SPIN1: variants seen among roughly 807,000 people sequenced by gnomAD.
The protein encoded by SPIN1 is spindlin 1, also known as spindlin-1.
In SPIN1, 3 loss-of-function variants were observed where a neutral mutation model predicts 26.0. The ratio of observed to expected loss-of-function variants is 0.12; its 90% confidence interval spans 0.05 to 0.30. The LOEUF (loss-of-function observed/expected upper bound fraction) is 0.30. SPIN1 is among the 10% of genes least tolerant of loss of function. SPIN1 has a pLI of 1.00. For synonymous variants in SPIN1, 101 were observed against 116.5 expected (o/e 0.87, Z 0.86); for missense variants, 126 against 333.4 (o/e 0.38, Z 4.84).
intron 3 of SPIN1, among the ~76,000 whole-genome samples, chr9:88,452,791 G>C (rs1587808397): frequency 2.6e-5 from 4 of 152,184 alleles, no homozygotes; most frequent in Admixed American, 2.6e-4. Flanking sequence ...CTCTCTTTCT[G>C]GTTTGCATCT....
intron 1 of SPIN1, among the ~76,000 whole-genome samples, chr9:88,419,144 TTAAAATTA>T (rs1206279241): frequency 6.6e-6 from 1 of 152,208 alleles, no homozygotes; most frequent in African/African-American, 2.4e-5. Context: ...CCTTCTACTT[TTAAAATTA>T]ACTTCCTCTT....
Position 88,441,140 on chromosome 9 carries a change from T to G in SPIN1, c.53-7801T>G, listed in dbSNP as rs1750196373. Among the ~76,000 whole-genome samples, 5 of 151,996 alleles carry G rather than the reference T, an allele frequency of 3.3e-5. No individual in the cohort carries two copies. In the South Asian group the frequency reaches 1.0e-3, roughly 31 times the overall value. ...AAACATGTACATTATTGTCATTTTT[T>G]TCTAAATGATGCATTATAACAATGA... On this transcript the variant is annotated intron_variant, in intron 2 of 5. Coordinates refer to ENST00000375859, the MANE Select transcript of SPIN1 (RefSeq NM_006717.3).
rs957766354 is a variant in SPIN1, at chr9:88,478,350, A to G, written c.*3073A>G. 1.3e-5 allele frequency: 2 copies of G among 152,652 alleles called. No homozygotes were observed. The highest frequency in any genetic ancestry group is 2.4e-5 in the African/African-American group (1 of 41,472). The allele number at this position is 152,652 out of a possible 1,614,324, so 9.5% of individuals were successfully genotyped here. On this transcript the variant is annotated 3_prime_UTR_variant, in exon 6 of 6. Coordinates refer to ENST00000375859, the MANE Select transcript of SPIN1 (RefSeq NM_006717.3). ...ACAAAATGAAAGTTCTCCAAAGACA[A>G]AACAGAACAATTATTATAACAAAAT...
Position 88,462,545 on chromosome 9 carries a change from C to T in SPIN1, c.151C>T (p.Arg51Trp), listed in dbSNP as rs1337105433. Residue 51 changes from arginine to tryptophan, a missense_variant, in exon 4 of 6, where the codon CGG (arginine) becomes TGG (tryptophan). By Grantham distance (101) the Arg-to-Trp change is moderately radical. Coordinates refer to ENST00000375859, the MANE Select transcript of SPIN1 (RefSeq NM_006717.3). ...GPSKPVSQPR[R>W]NIVGCRIQHG... The stretch of plus-strand genomic sequence containing the variant: ...GAGCAAACCTGTTTCCCAGCCCCGG[C>T]GGAACATCGTAGGCTGCAGGATTCA... The T allele has an allele frequency of 6.2e-7, 1 of 1,613,918 alleles. No individual in the cohort carries two copies. Among genetic ancestry groups the T allele is most frequent in the African/African-American group, 1.3e-5 (1 of 74,902 alleles).
chr9:88,450,192 G>A (rs1818690929), intron 3 of SPIN1, among the ~76,000 whole-genome samples: 1 of 152,126 alleles, frequency 6.6e-6, no homozygotes, highest in Non-Finnish European at 1.5e-5. Context: ...TGTCATTACT[G>A]TAAATGGTAA....
At chr9:88,404,848 A>G (rs1274726519) in intron 1 of SPIN1, among the ~76,000 whole-genome samples, 1 of 150,722 alleles carries the variant, frequency 6.6e-6, no homozygotes, top group Non-Finnish European at 1.5e-5. Context: ...CCCAGGAGGC[A>G]GAGGTTGCAG....
intron 5 of SPIN1, among the ~76,000 whole-genome samples, chr9:88,470,384 A>G (rs1165583331): frequency 6.6e-6 from 1 of 152,050 alleles, no homozygotes; most frequent in Non-Finnish European, 1.5e-5. Flanking sequence ...CGTTTGGGGG[A>G]ACTGCCAGGC....
chr9:88,467,776 G>A (rs577179221), intron 4 of SPIN1, among the ~76,000 whole-genome samples: 1 of 150,640 alleles, frequency 6.6e-6, no homozygotes, highest in South Asian at 2.1e-4. Context: ...GTAGGAGCAA[G>A]AGAGTAAAAA....
At chr9:88,388,787 C>T (rs1334040043) in intron 1 of SPIN1, among the ~76,000 whole-genome samples, 1 of 150,210 alleles carries the variant, frequency 6.7e-6, no homozygotes, top group Non-Finnish European at 1.5e-5. Flanking sequence ...TCCTCCGTGC[C>T]CCCATCCCCG....
At chr9:88,464,370 G>A (rs543403853) in intron 4 of SPIN1, among the ~76,000 whole-genome samples, 1 of 152,256 alleles carries the variant, frequency 6.6e-6, no homozygotes, top group South Asian at 2.1e-4. Flanking sequence ...TTTTACGTCG[G>A]AAGCAATTGC....
intron 3 of SPIN1, among the ~76,000 whole-genome samples, chr9:88,455,157 T>C (rs1001093966): frequency 6.6e-6 from 1 of 152,236 alleles, no homozygotes; most frequent in Non-Finnish European, 1.5e-5. Context: ...ATTGCATTAA[T>C]GTAGCAGTAA....
Position 88,388,517 on chromosome 9 carries a change from C to G in SPIN1, c.-180C>G, listed in dbSNP as rs1826838027. 1 of 148,066 alleles carries G rather than the reference C, an allele frequency of 6.8e-6. No individual in the cohort carries two copies. The highest frequency in any genetic ancestry group is 2.0e-4 in the East Asian group (1 of 5,124). 9.2% of individuals were successfully genotyped at this position (148,066 alleles called of 1,614,324 possible). The stretch of plus-strand genomic sequence containing the variant: ...ACGGCGGAACCCGTGGGCCTGTGGA[C>G]TGCAGCCTCGGCGGTCAGCAGGTGA... On this transcript the variant is annotated 5_prime_UTR_variant, in exon 1 of 6. Coordinates refer to ENST00000375859, the MANE Select transcript of SPIN1 (RefSeq NM_006717.3).
intron 2 of SPIN1, among the ~76,000 whole-genome samples, chr9:88,441,462 A>C (rs1001607441): frequency 1.6e-5 from 2 of 126,918 alleles, no homozygotes; most frequent in African/African-American, 7.7e-5. Flanking sequence ...TGCTCAATTA[A>C]GAAAAAAGGC....
chr9:88,439,643 C>G (rs1828078608), intron 2 of SPIN1, among the ~76,000 whole-genome samples: 1 of 152,142 alleles, frequency 6.6e-6, no homozygotes, highest in South Asian at 2.1e-4. Flanking sequence ...TTTTTTTCCT[C>G]ACATATTTTG....
chr9:88,426,654 T>A, intron 2 of SPIN1, 63 bp downstream of exon 2: 1 of 1,455,098 alleles, frequency 6.9e-7, no homozygotes, highest in South Asian at 1.3e-5. Flanking sequence ...TTCAAACAAG[T>A]GTAAAATTGG....
intron 1 of SPIN1, among the ~76,000 whole-genome samples, chr9:88,398,821 G>C (rs972378615): frequency 3.3e-5 from 5 of 151,886 alleles, no homozygotes; most frequent in Admixed American, 3.3e-4. Flanking sequence ...TCATCCGCCT[G>C]CCTTGGCCTC....
At chr9:88,474,970 A>T (rs1281840120) in intron 5 of SPIN1, 108 bp from the exon 6 acceptor site, 24 of 1,139,254 alleles carry the variant, frequency 2.1e-5, no homozygotes, top group Non-Finnish European at 2.6e-5. Context: ...GGCTATTAAA[A>T]TTTTTTTTAA....
chr9:88,418,949 C>G (rs1348530840), intron 1 of SPIN1: 2 of 152,166 alleles, frequency 1.3e-5, no homozygotes, highest in East Asian at 1.9e-4. Context: ...AGTCATTTTT[C>G]TGGTAAGTAG....
intron 1 of SPIN1, among the ~76,000 whole-genome samples, chr9:88,390,478 G>C (rs954064207): frequency 6.6e-6 from 1 of 152,118 alleles, no homozygotes; most frequent in African/African-American, 2.4e-5. Flanking sequence ...TAGTTACAAC[G>C]TTACTGGTTG....
Sources: allele counts gnomAD v4.1 joint callset (sites outside exome capture counted in the v4.1 genomes callset), GRCh38; gene constraint gnomAD v4.1.1; transcripts MANE v1.5; gene names NCBI Gene and HGNC (gene_info 2026-07-23, HGNC 2026-07-21).